Variants in MMD2 observed in about 807,000 individuals in gnomAD.
MMD2 encodes monocyte to macrophage differentiation factor 2.
MMD2 carries 30 observed loss-of-function variants against 33.5 expected under a neutral mutation model. That is an observed-to-expected ratio of 0.90 (90% CI 0.67 to 1.22). The LOEUF (loss-of-function observed/expected upper bound fraction) is 1.22. MMD2 is among the 50% of genes most tolerant of loss of function. The pLI is 0.00. For synonymous variants in MMD2, 129 were observed against 123.0 expected (o/e 1.05, Z -0.32); for missense variants, 364 against 325.4 (o/e 1.12, Z -0.91).
chr7:4,943,447 C>A (rs1462821423), intron 1 of MMD2, among the ~76,000 whole-genome samples: 2 of 152,150 alleles, frequency 1.3e-5, no homozygotes, highest in African/African-American at 4.8e-5. Flanking sequence ...CCAGTCAGTC[C>A]TGCCCTTTTC....
chr7:4,897,732 C>CTCTT, the MMD2 span, among the ~76,000 whole-genome samples: 7 of 142,242 alleles, frequency 4.9e-5, no homozygotes, highest in East Asian at 2.1e-4. Flanking sequence ...TGTATTTAAT[C>CTCTT]TCTTTCTTTC....
the MMD2 span, among the ~76,000 whole-genome samples, chr7:4,894,099 T>C: frequency 6.6e-6 from 1 of 152,226 alleles, no homozygotes; most frequent in African/African-American, 2.4e-5. This position sits in a 1 kb window ranked among gnomAD's most constrained non-coding sequence, Gnocchi z 4.3. Context: ...TCAGCCCCTA[T>C]TCAAGATGGA....
intron 1 of MMD2, among the ~76,000 whole-genome samples, chr7:4,953,786 T>A (rs938749248): frequency 1.3e-5 from 2 of 152,164 alleles, no homozygotes; most frequent in African/African-American, 4.8e-5. Flanking sequence ...CTCATTTTCA[T>A]AAAATATTTT....
intron 1 of MMD2, among the ~76,000 whole-genome samples, chr7:4,925,947 G>A (rs1785413645): frequency 6.6e-6 from 1 of 152,150 alleles, no homozygotes; most frequent in Admixed American, 6.6e-5. Context: ...CTGAGTAGCT[G>A]GGCGTGTGCC....
downstream of MMD2, among the ~76,000 whole-genome samples, chr7:4,904,813 C>G (rs190925184): frequency 1.1e-3 from 171 of 152,274 alleles, no homozygotes; most frequent in African/African-American, 3.4e-3. Context: ...AAGACACAGT[C>G]CCTCCCTCCA....
intron 3 of MMD2, among the ~76,000 whole-genome samples, chr7:4,918,250 T>G (rs1010572655): frequency 6.6e-6 from 1 of 152,208 alleles, no homozygotes; most frequent in Non-Finnish European, 1.5e-5. Context: ...GATACTTGGT[T>G]ACAAAGCAAT....
intron 1 of MMD2, among the ~76,000 whole-genome samples, chr7:4,926,116 T>G (rs1382704726): frequency 6.6e-6 from 1 of 151,282 alleles, no homozygotes; most frequent in African/African-American, 2.4e-5. Context: ...TTTTTTTTCT[T>G]ACACGGGGTC....
In MMD2 at chr7:4,911,266, G is replaced by A; in HGVS notation, c.366-20C>T. 1 of 1,561,140 alleles carries A rather than the reference G, an allele frequency of 6.4e-7. No homozygotes were observed. Among genetic ancestry groups the A allele is most frequent in the Non-Finnish European group, 8.7e-7 (1 of 1,152,362 alleles). ...TTCAGCCTGGGAGAGAAAGAGCCAA[G>A]GCCATGGCCCTGAGGGGGGCCCACC... On this transcript the variant is annotated intron_variant, in intron 4 of 6. Transcript: ENST00000401401.
intron 1 of MMD2, among the ~76,000 whole-genome samples, chr7:4,936,820 CG>C (rs200801020): frequency 0.01 from 1,559 of 152,038 alleles, 27 homozygotes; most frequent in African/African-American, 0.036. Context: ...GTGCAACTTC[CG>C]CCTCCCGGGT....
chr7:4,930,136 G>A lies in MMD2; in HGVS notation c.48-4604C>T, dbSNP rs538018089. Among the ~76,000 whole-genome samples the A allele has an allele frequency of 4.0e-5, 6 of 151,878 alleles. No individual in the cohort carries two copies. In the East Asian group the frequency reaches 1.2e-3, roughly 30 times the overall value. On this transcript the variant is annotated intron_variant, in intron 1 of 6. Coordinates refer to ENST00000401401, the MANE Select transcript of MMD2 (RefSeq NM_198403.4). ...TACAAAAAAAATAGCTGAGTGTGGT[G>A]GCGGGCACCTGTAGTCCCAGCTACT... is the stretch of plus-strand genomic sequence containing the variant.
downstream of MMD2, among the ~76,000 whole-genome samples, chr7:4,902,656 TG>T (rs771132852): frequency 1.3e-5 from 2 of 152,148 alleles, no homozygotes; most frequent in East Asian, 3.8e-4. Context: ...GCATGCTCAT[TG>T]GAAGTGGGTG....
chr7:4,944,029 G>T (rs954791531), intron 1 of MMD2, among the ~76,000 whole-genome samples: 1 of 151,762 alleles, frequency 6.6e-6, no homozygotes, highest in Non-Finnish European at 1.5e-5. Context: ...GAACTCTTTA[G>T]CTCAAGCAAT....
chr7:4,931,334 G>T (rs992595909), intron 1 of MMD2, among the ~76,000 whole-genome samples: 3 of 151,234 alleles, frequency 2.0e-5, no homozygotes, highest in Non-Finnish European at 4.4e-5. Flanking sequence ...TTTTATTTTT[G>T]TAGAAGTGAG....
In MMD2 at chr7:4,930,599, G is replaced by A. The variant is rs912393642; in HGVS notation, c.48-5067C>T. Among the ~76,000 whole-genome samples the A allele has an allele frequency of 8.3e-5, 12 of 144,198 alleles. No homozygotes were observed. The South Asian group carries it at 8.7e-4, about 10-fold the overall frequency. The allele number at this position is 144,198 out of a possible 152,430, so 94.6% of individuals were successfully genotyped here. On this transcript the variant is annotated intron_variant, in intron 1 of 6. Coordinates refer to ENST00000401401, the MANE Select transcript of MMD2 (RefSeq NM_198403.4). ...GCGGAGGTTGTGCTGAGCCAAGATCGTGCCACTGCACTCTAGCCTGGGCAA... is the reference window on the plus strand; with the variant it reads ...GCGGAGGTTGTGCTGAGCCAAGATCATGCCACTGCACTCTAGCCTGGGCAA...
chr7:4,945,185 T>TTTCTTCTTCTTC (rs778065489), intron 1 of MMD2, among the ~76,000 whole-genome samples: 9,183 of 93,332 alleles, frequency 0.098, 878 homozygotes, highest in South Asian at 0.1. Flanking sequence ...CCTCTTCCTC[T>TTTCTTCTTCTTC]TTCTTCTTCT....
At chr7:4,945,206 C>CTTCTTCTTCTTCTTCTTCTTCTT (rs1554273361) in intron 1 of MMD2, among the ~76,000 whole-genome samples, 57 of 140,092 alleles carry the variant, frequency 4.1e-4, no homozygotes, top group African/African-American at 1.5e-3. Context: ...TCTTCTTCTT[C>CTTCTTCTTCTTCTTCTTCTTCTT]TTCTTCTTCT....
downstream of MMD2, among the ~76,000 whole-genome samples, chr7:4,902,324 T>C (rs1252413054): frequency 1.3e-5 from 2 of 152,240 alleles, no homozygotes; most frequent in African/African-American, 4.8e-5. Context: ...GCAGTGTGTT[T>C]CCTTGCAAGC....
At chr7:4,894,374 C>T in the MMD2 span, among the ~76,000 whole-genome samples, 1 of 152,280 alleles carries the variant, frequency 6.6e-6, no homozygotes, top group East Asian at 1.9e-4. This position sits in a 1 kb window ranked among gnomAD's most constrained non-coding sequence, Gnocchi z 4.3. Context: ...GTTTGGATAC[C>T]TGGGGCCTTT....
At position 4,916,040 on chromosome 7, in the gene MMD2, G is replaced by A; in HGVS notation, c.330C>T (p.Val110=). The A allele has an allele frequency of 6.2e-7, 1 of 1,613,896 alleles. No homozygotes were observed. The highest frequency in any genetic ancestry group is 8.5e-7 in the Non-Finnish European group (1 of 1,179,878). The part of the protein sequence containing the change: ...EHCLHMFDRM[V]IYFFIAASYA... ...AGGAAGCCGCTATGAAGAAATAGAT[G>A]ACCATCCGGTCGAACATGTGTAGAC... The change falls in exon 4 of 7, where the codon GTC becomes GTT. Residue 110 remains valine (V), a synonymous_variant. Coordinates refer to ENST00000401401, the MANE Select transcript of MMD2 (RefSeq NM_198403.4).
Sources: allele counts gnomAD v4.1 joint callset (sites outside exome capture counted in the v4.1 genomes callset), GRCh38; gene constraint gnomAD v4.1.1; non-coding constraint Gnocchi (gnomAD v3.1); transcripts MANE v1.5; gene names NCBI Gene and HGNC (gene_info 2026-07-23, HGNC 2026-07-21).